Variants in SLC12A5 observed in about 807,000 individuals in gnomAD.
The protein encoded by SLC12A5 is K-Cl cotransporter 2.
A neutral mutation model predicts 124.0 loss-of-function variants in SLC12A5; 18 were observed. That is an observed-to-expected ratio of 0.15 (90% CI 0.10 to 0.22). SLC12A5 has a LOEUF of 0.22. Among genes scored for constraint, SLC12A5 ranks in the 10% least tolerant of loss-of-function variants. The probability of loss-of-function intolerance (pLI) is 1.00; values close to 1 mark genes in which losing one functional copy is unlikely to be tolerated. For missense variants in SLC12A5, 867 were observed against 1,478.7 expected (o/e 0.59, Z 6.78); for synonymous variants, 589 against 568.0 (o/e 1.04, Z -0.53).
At chr20:46,031,799 G>T (rs1017412688) in intron 1 of SLC12A5, among the ~76,000 whole-genome samples, 1 of 152,200 alleles carries the variant, frequency 6.6e-6, no homozygotes, top group Non-Finnish European at 1.5e-5. Flanking sequence ...GGGGCGGGGA[G>T]GGCTCAGCCT....
At position 46,045,253 on chromosome 20, in the gene SLC12A5, T is replaced by C. The variant is rs2084584647; in HGVS notation, c.1569+113T>C. On this transcript the variant is annotated intron_variant, in intron 12 of 25. Coordinates refer to ENST00000243964, the MANE Select transcript of SLC12A5 (RefSeq NM_020708.5). This position sits in a 1 kb window ranked among gnomAD's most constrained non-coding sequence, Gnocchi z 4.9. ...AGCCTTAGACTACCTCCTGGGCCAC[T>C]TCTGCTCTGTACTGCACTGGCCAGG... 7.9e-7 allele frequency: 1 copy of C among 1,258,404 alleles called. No homozygotes were observed. Among genetic ancestry groups the C allele is most frequent in the African/African-American group, 1.5e-5 (1 of 66,548 alleles). The allele number at this position is 1,258,404 out of a possible 1,614,324, so 78.0% of individuals were successfully genotyped here.
In SLC12A5 at chr20:46,056,641, A is replaced by T; in HGVS notation, c.3110+77A>T. The stretch of plus-strand genomic sequence containing the variant: ...GCTCCCCATGGCAGAGCAAGAGAGC[A>T]GAAGGCATCCTGGTCTGTCAGCCTG... On this transcript the variant is annotated intron_variant, in intron 23 of 25. Coordinates refer to ENST00000243964, the MANE Select transcript of SLC12A5 (RefSeq NM_020708.5). This position sits in a 1 kb window ranked among gnomAD's most constrained non-coding sequence, Gnocchi z 4.3. 1 of 1,469,360 alleles carries T rather than the reference A, an allele frequency of 6.8e-7. No individual in the cohort carries two copies. Among genetic ancestry groups the T allele is most frequent in the Non-Finnish European group, 9.2e-7 (1 of 1,081,298 alleles). The allele number at this position is 1,469,360 out of a possible 1,614,324, so 91.0% of individuals were successfully genotyped here. A position where few individuals can be genotyped will look rare whatever the true frequency, so the allele number is the denominator to read the frequency against.
chr20:46,023,685 T>G (rs2084374361), downstream of SLC12A5: 1 of 375,006 alleles, frequency 2.7e-6, no homozygotes, highest in Non-Finnish European at 4.7e-6. Flanking sequence ...AAGTTATAGC[T>G]CATTTAACCT....
chr20:46,022,542 G>T (rs776728337), intron 1 of SLC12A5, among the ~76,000 whole-genome samples: 4 of 152,058 alleles, frequency 2.6e-5, no homozygotes, highest in Non-Finnish European at 4.4e-5. Context: ...AGCGGACAGC[G>T]ACTGGGGATC....
chr20:46,056,137 T>C lies in SLC12A5; in HGVS notation c.2788-13T>C. ...TCCCAGCAGAGCTGGCACCAACCTA[T>C]GTCACTCCCTAGATCCAGAGTATCA... is the stretch of plus-strand genomic sequence containing the variant. On this transcript the variant is annotated splice_polypyrimidine_tract_variant and intron_variant, in intron 21 of 25. Coordinates refer to ENST00000243964, the MANE Select transcript of SLC12A5 (RefSeq NM_020708.5). The surrounding 1 kb of genome is among the most constrained non-coding windows in gnomAD (Gnocchi z 4.3). The C allele has an allele frequency of 6.2e-7, 1 of 1,613,870 alleles. No homozygotes were observed. Among genetic ancestry groups the C allele is most frequent in the Non-Finnish European group, 8.5e-7 (1 of 1,179,896 alleles).
chr20:46,035,216 G>C (rs1463983837), intron 2 of SLC12A5, 174 bp downstream of exon 2: 8 of 984,664 alleles, frequency 8.1e-6, no homozygotes, highest in Non-Finnish European at 1.3e-5. Context: ...TACTCCCTCT[G>C]CTCCCTGCCC....
chr20:46,022,703 A>C (rs943719880), intron 1 of SLC12A5: 27 of 397,684 alleles, frequency 6.8e-5, no homozygotes, highest in Non-Finnish European at 8.8e-6. Flanking sequence ...GAGCCAGCTC[A>C]GGCGGGGTTG....
At position 46,040,914 on chromosome 20, in the gene SLC12A5, G is replaced by A. The variant is rs1374191481; in HGVS notation, c.854+300G>A. 2.2e-5 allele frequency: 10 copies of A among 451,780 alleles called. No individual in the cohort carries two copies. The Admixed American group carries it at 2.7e-4, about 12-fold the overall frequency. The allele number at this position is 451,780 out of a possible 1,614,324, so 28.0% of individuals were successfully genotyped here. On this transcript the variant is annotated intron_variant, in intron 7 of 25. Coordinates refer to ENST00000243964, the MANE Select transcript of SLC12A5 (RefSeq NM_020708.5). ...AGCAATGAATGCTGTCTGTGGTAGGGAAACCTTTCCTGGGTGGGGACAACC... is the reference window on the plus strand; with the variant it reads ...AGCAATGAATGCTGTCTGTGGTAGGAAAACCTTTCCTGGGTGGGGACAACC...
downstream of SLC12A5, among the ~76,000 whole-genome samples, chr20:46,024,188 C>G (rs2084378395): frequency 6.7e-6 from 1 of 149,944 alleles, no homozygotes; most frequent in Admixed American, 6.9e-5. Context: ...GAGGAGCATC[C>G]CCCATTAGTT....
At position 46,040,589 on chromosome 20, in the gene SLC12A5, T is replaced by G; in HGVS notation, c.829T>G (p.Ser277Ala). Reference protein sequence around the residue: ...ILAIYAGVIKSAFDPPNFPIC... With the variant: ...ILAIYAGVIKAAFDPPNFPIC... ...GGCCATCTATGCTGGGGTCATCAAG[T>G]CTGCCTTCGACCCACCCAACTTCCC... The change falls in exon 7 of 26, where the codon TCT (serine) becomes GCT (alanine). Residue 277 changes from serine to alanine, a missense_variant. Around this residue, in one of 9 missense-constraint regions of SLC12A5, gnomAD observed 127 missense variants for 164.1 expected, o/e 0.77. Transcript: ENST00000243964. The G allele has an allele frequency of 6.2e-7, 1 of 1,614,188 alleles. No individual in the cohort carries two copies. The highest frequency in any genetic ancestry group is 8.5e-7 in the Non-Finnish European group (1 of 1,180,038).
chr20:46,039,561 G>T (rs558280468), intron 6 of SLC12A5, among the ~76,000 whole-genome samples: 3 of 152,170 alleles, frequency 2.0e-5, no homozygotes, highest in Admixed American at 6.5e-5. Flanking sequence ...GATCACCTGA[G>T]GTCAGGAGTT....
upstream of SLC12A5, among the ~76,000 whole-genome samples, chr20:46,026,329 C>G (rs191169612): frequency 3.3e-5 from 5 of 152,270 alleles, no homozygotes; most frequent in East Asian, 7.7e-4. Context: ...GAGGGTTTCT[C>G]TGGCCCCAGA....
intron 11 of SLC12A5, chr20:46,044,643 C>G: frequency 2.9e-6 from 1 of 345,986 alleles, no homozygotes; most frequent in South Asian, 3.0e-5. Context: ...GCACACACAA[C>G]TGGCCGGGTG....
intron 6 of SLC12A5, 104 bp downstream of exon 6, chr20:46,037,489 A>G (rs1198891012): frequency 7.5e-7 from 1 of 1,340,608 alleles, no homozygotes; most frequent in African/African-American, 1.5e-5. Context: ...GAGGCCAAAA[A>G]TGTGGTTCAG....
At chr20:46,035,305 T>C in intron 2 of SLC12A5, 99 bp from the exon 3 acceptor site, 1 of 1,456,318 alleles carries the variant, frequency 6.9e-7, no homozygotes, top group Non-Finnish European at 9.4e-7. Context: ...ACCTGAATAG[T>C]TTCGTGCTCC....
chr20:46,055,598 G>T (rs2084682388), intron 21 of SLC12A5, among the ~76,000 whole-genome samples: 1 of 152,090 alleles, frequency 6.6e-6, no homozygotes, highest in South Asian at 2.1e-4. Flanking sequence ...AAAATGAGTG[G>T]TGTTACCCCA....
At chr20:46,029,147 TGA>T (rs758522707), upstream of SLC12A5, 1 of 1,395,688 alleles carries the variant, frequency 7.2e-7, no homozygotes. Context: ...GCGCCGCTGC[TGA>T]GAGGGGGCGC....
intron 8 of SLC12A5, among the ~76,000 whole-genome samples, chr20:46,041,894 T>A (rs946600230): frequency 5.9e-5 from 9 of 151,556 alleles, no homozygotes; most frequent in African/African-American, 2.2e-4. Context: ...TTATGCCATA[T>A]GTAGATGTGC....
intron 1 of SLC12A5, among the ~76,000 whole-genome samples, chr20:46,030,604 G>T: frequency 6.6e-6 from 1 of 152,116 alleles, no homozygotes; most frequent in African/African-American, 2.4e-5. Flanking sequence ...GCCTTCAAAC[G>T]TTCCCCTGGG....
Sources: allele counts gnomAD v4.1 joint callset (sites outside exome capture counted in the v4.1 genomes callset), GRCh38; gene constraint gnomAD v4.1.1; regional missense constraint gnomAD v4.1.1; non-coding constraint Gnocchi (gnomAD v3.1); transcripts MANE v1.5; gene names NCBI Gene and HGNC (gene_info 2026-07-23, HGNC 2026-07-21).